The following C10orf143 variants were observed in gnomAD, a reference collection of about 807,000 sequenced individuals.
C10orf143 encodes the protein chromosome 10 open reading frame 143.
chr10:130,070,816 C>T (rs1180609), intron 3 of C10orf143, among the ~76,000 whole-genome samples: 149,928 of 152,362 alleles, frequency 0.98, 73,778 homozygotes, highest in East Asian at 1. Flanking sequence ...CTCTGTAACA[C>T]TTCATTGAGT....
chr10:130,055,915 C>T (rs1257685716), intron 3 of C10orf143, among the ~76,000 whole-genome samples: 1 of 128,608 alleles, frequency 7.8e-6, no homozygotes, highest in African/African-American at 2.9e-5. Flanking sequence ...CACTGTACTC[C>T]AGCCTGGATA....
chr10:130,110,624 G>A (rs959057473), intron 1 of C10orf143, 80 bp downstream of exon 1: 9 of 398,180 alleles, frequency 2.3e-5, no homozygotes, highest in Non-Finnish European at 3.5e-5. Context: ...GGGCCGCGCC[G>A]GCAAAAACGA....
chr10:130,089,311 G>A (rs1019339353), intron 1 of C10orf143, among the ~76,000 whole-genome samples: 1 of 152,202 alleles, frequency 6.6e-6, no homozygotes, highest in Admixed American at 6.5e-5. Context: ...AAGCAGTTAT[G>A]CACATTTACT....
At chr10:130,037,874 C>G (rs1389314882) in intron 3 of C10orf143, among the ~76,000 whole-genome samples, 1 of 152,140 alleles carries the variant, frequency 6.6e-6, no homozygotes, top group African/African-American at 2.4e-5. Context: ...GCTCTTTATA[C>G]TTTTCCCATA....
rs544954947 is a variant in C10orf143 at position 130,035,648 on chromosome 10, G to A, written c.410+210C>T. Among the ~76,000 whole-genome samples the A allele has an allele frequency of 9.9e-4, 149 of 149,766 alleles. 2 individuals carry two copies. In the South Asian group the frequency reaches 0.029, roughly 29 times the overall value. On this transcript the variant is annotated intron_variant and NMD_transcript_variant, in intron 4 of 5. Transcript: ENST00000643056. The stretch of plus-strand genomic sequence containing the variant: ...CACTTTATCCTCCCTATCCTCTAGG[G>A]TGGTAGCTGCCAGGATTCCCATTTT...
At chr10:130,052,527 C>T (rs1860749161) in intron 3 of C10orf143, among the ~76,000 whole-genome samples, 1 of 152,212 alleles carries the variant, frequency 6.6e-6, no homozygotes, top group African/African-American at 2.4e-5. Context: ...ACGCCCAGAC[C>T]AGCTTTGAGG....
At chr10:130,088,712 G>A (rs2134783739) in intron 1 of C10orf143, among the ~76,000 whole-genome samples, 1 of 152,334 alleles carries the variant, frequency 6.6e-6, no homozygotes, top group African/African-American at 2.4e-5. Flanking sequence ...TCTGAACACA[G>A]AACAGGTAAT....
intron 1 of C10orf143, chr10:130,106,103 C>T (rs1233313362): frequency 1.6e-6 from 1 of 640,450 alleles, no homozygotes; most frequent in Admixed American, 2.0e-5. Context: ...GGGGGAGCCA[C>T]GCAGGGTTGT....
downstream of C10orf143, among the ~76,000 whole-genome samples, chr10:130,063,121 C>A (rs899582112): frequency 1.3e-5 from 2 of 152,070 alleles, no homozygotes; most frequent in African/African-American, 4.8e-5. Flanking sequence ...GGAGGATGCC[C>A]GGGGACTGTT....
intron 1 of C10orf143, among the ~76,000 whole-genome samples, chr10:130,102,863 C>T (rs1861579402): frequency 6.6e-6 from 1 of 152,114 alleles, no homozygotes; most frequent in Non-Finnish European, 1.5e-5. Context: ...ATTAATATAG[C>T]AACTCCACCT....
At chr10:130,106,479 TTC>T (rs771892224) in intron 1 of C10orf143, 11 of 1,602,236 alleles carry the variant, frequency 6.9e-6, no homozygotes, top group Admixed American at 3.4e-5. Flanking sequence ...GAGCATGAAA[TTC>T]TCTGTCTAGA....
chr10:130,101,643 C>T (rs1362488327), intron 1 of C10orf143, among the ~76,000 whole-genome samples: 1 of 151,316 alleles, frequency 6.6e-6, no homozygotes, highest in Non-Finnish European at 1.5e-5. Flanking sequence ...GAGGCGGGCG[C>T]ATCATGAGGT....
chr10:130,067,564 A>G (rs1207963459), intron 3 of C10orf143: 1 of 152,164 alleles, frequency 6.6e-6, no homozygotes, highest in African/African-American at 2.4e-5. Flanking sequence ...GATTCCTGCC[A>G]TTACCATCTG....
At chr10:130,072,048 T>G (rs1206631969) in intron 3 of C10orf143, among the ~76,000 whole-genome samples, 3 of 152,232 alleles carry the variant, frequency 2.0e-5, no homozygotes, top group Non-Finnish European at 4.4e-5. Flanking sequence ...GATCTAATTT[T>G]ATCTTTCCTC....
chr10:130,045,971 A>G (rs2765480), intron 3 of C10orf143, among the ~76,000 whole-genome samples: 122,284 of 151,878 alleles, frequency 0.81, 49,326 homozygotes, highest in South Asian at 0.87. Context: ...TGCTGGACTG[A>G]GACCAGGGTG....
intron 3 of C10orf143, among the ~76,000 whole-genome samples, chr10:130,043,464 G>A (rs540800117): frequency 8.5e-5 from 13 of 152,194 alleles, no homozygotes; most frequent in Admixed American, 3.9e-4. Context: ...AAAAAGCCCC[G>A]CCCCTCTGTA....
intron 3 of C10orf143, among the ~76,000 whole-genome samples, chr10:130,041,741 T>C (rs1860608841): frequency 6.6e-6 from 1 of 152,142 alleles, no homozygotes; most frequent in East Asian, 1.9e-4. Context: ...AATGTGTCCA[T>C]AGGAAACACT....
intron 3 of C10orf143, among the ~76,000 whole-genome samples, chr10:130,070,757 T>C (rs1861019370): frequency 6.6e-6 from 1 of 152,106 alleles, no homozygotes; most frequent in African/African-American, 2.4e-5. Flanking sequence ...ACGTAGATCC[T>C]TCTGTAATTT....
intron 1 of C10orf143, among the ~76,000 whole-genome samples, chr10:130,087,454 G>C (rs1336793486): frequency 6.6e-6 from 1 of 152,162 alleles, no homozygotes; most frequent in Non-Finnish European, 1.5e-5. Flanking sequence ...GAGCGTGGCC[G>C]AGAAATAGAC....
Sources: allele counts gnomAD v4.1 joint callset (sites outside exome capture counted in the v4.1 genomes callset), GRCh38; gene constraint gnomAD v4.1.1; transcripts MANE v1.5; gene names NCBI Gene and HGNC (gene_info 2026-07-23, HGNC 2026-07-21).